TFR2: variants seen among roughly 807,000 people sequenced by gnomAD.
TFR2 encodes transferrin receptor protein 2.
A neutral mutation model predicts 91.9 loss-of-function variants in TFR2; 64 were observed. That is an observed-to-expected ratio of 0.70 (90% CI 0.57 to 0.86). TFR2 has a LOEUF of 0.86. TFR2 is among the 40% of genes least tolerant of loss of function. The probability of loss-of-function intolerance (pLI) is 0.00; values close to 1 mark genes in which losing one functional copy is unlikely to be tolerated. For synonymous variants in TFR2, 454 were observed against 459.6 expected (o/e 0.99, Z 0.15); for missense variants, 950 against 1,080.5 (o/e 0.88, Z 1.69).
chr7:100,637,959 G>A (rs1200105154), intron 3 of TFR2, among the ~76,000 whole-genome samples: 1 of 151,840 alleles, frequency 6.6e-6, no homozygotes, highest in African/African-American at 2.4e-5. Context: ...AGCCTCCCGA[G>A]TAGCTGGGAT....
chr7:100,623,887 C>CAAAAAAAA (rs36052130), intron 17 of TFR2, among the ~76,000 whole-genome samples: 1 of 96,476 alleles, frequency 1.0e-5, no homozygotes, highest in Non-Finnish European at 1.9e-5. Context: ...CCTTCTCTAC[C>CAAAAAAAA]AAAAAAAAAA....
intron 8 of TFR2, 141 bp downstream of exon 8, chr7:100,631,665 G>T: frequency 8.7e-7 from 1 of 1,154,006 alleles, no homozygotes; most frequent in Non-Finnish European, 1.2e-6. Context: ...TCCCAGGCTG[G>T]AGTGCAGTGG....
chr7:100,621,866 T>A (rs1449632724), intron 17 of TFR2, among the ~76,000 whole-genome samples: 1 of 152,146 alleles, frequency 6.6e-6, no homozygotes, highest in Non-Finnish European at 1.5e-5. Context: ...TGCCAGCCTC[T>A]CCTAGTTTCC....
chr7:100,640,656 G>C, intron 3 of TFR2, 30 bp downstream of exon 3: 1 of 1,606,854 alleles, frequency 6.2e-7, no homozygotes, highest in South Asian at 1.1e-5. Context: ...AGGGACACTC[G>C]AGAACAGGAT....
chr7:100,626,802 G>T lies in TFR2; in HGVS notation c.2097C>A (p.Asp699Glu), dbSNP rs377748462. 11 of 1,548,618 alleles carry T rather than the reference G, an allele frequency of 7.1e-6. No homozygotes were observed. Among genetic ancestry groups the T allele is most frequent in the African/African-American group, 1.4e-5 (1 of 73,038 alleles). The change falls in exon 17 of 18, where the codon GAC becomes GAA. Residue 699 changes from aspartate (D) to glutamate (E), a missense_variant. Coordinates refer to ENST00000223051, the MANE Select transcript of TFR2 (RefSeq NM_003227.4). The part of the protein sequence containing the change: ...RQEIYSSEER[D>E]ERLTRMYNVR... ...CGTTGTACATGCGTGTCAGTCGCTCGTCTCTCTCCTCCGAGCTGTAGATCT... is the reference window on the plus strand; with the variant it reads ...CGTTGTACATGCGTGTCAGTCGCTCTTCTCTCTCCTCCGAGCTGTAGATCT...
At chr7:100,621,793 G>A (rs376692690) in intron 17 of TFR2, among the ~76,000 whole-genome samples, 2 of 152,070 alleles carry the variant, frequency 1.3e-5, no homozygotes, top group Non-Finnish European at 2.9e-5. Context: ...TCCCTCTGAC[G>A]CAGCTGCTGT....
rs1803098820 is a variant in TFR2, at chr7:100,621,126, C to T, written c.2137G>A (p.Val713Met). The change falls in exon 18 of 18, where the codon GTG becomes ATG. Residue 713 changes from valine to methionine, a missense_variant and splice_region_variant. Val to Met is a conservative substitution (Grantham distance 21). Transcript: ENST00000223051. ...TACTGGGAAAGGAAGTAGAACTCCA[C>T]CTGCGCAGAGAGGGGGATCAGGTCA... ...TRMYNVRIMR[V>M]EFYFLSQYVS... 6.6e-7 allele frequency: 1 copy of T among 1,513,520 alleles called. No homozygotes were observed. The highest frequency in any genetic ancestry group is 8.9e-7 in the Non-Finnish European group (1 of 1,122,730). 93.8% of individuals were successfully genotyped at this position (1,513,520 alleles called of 1,614,324 possible).
Position 100,640,978 on chromosome 7 carries a change from C to A in TFR2, c.284G>T (p.Gly95Val). The A allele has an allele frequency of 6.2e-7, 1 of 1,610,428 alleles. No individual in the cohort carries two copies. The change falls in exon 2 of 18, where the codon GGG becomes GTG. Residue 95 changes from glycine (G) to valine (V), a missense_variant and splice_region_variant. Coordinates refer to ENST00000223051, the MANE Select transcript of TFR2 (RefSeq NM_003227.4). Reference protein sequence around the residue: ...LVLTALLIFTGAFLLGYVAFR... With the variant: ...LVLTALLIFTVAFLLGYVAFR... The stretch of plus-strand genomic sequence containing the variant: ...CTGGGGAGGGGGACGGCTCTCACCC[C>A]CAGTGAAGATCAGCAGGGCCGTCAG...
chr7:100,622,907 C>A (rs1218050725), intron 17 of TFR2, among the ~76,000 whole-genome samples: 2 of 151,944 alleles, frequency 1.3e-5, no homozygotes, highest in Non-Finnish European at 2.9e-5. Flanking sequence ...TGCAGTGAGC[C>A]AAGATCGTGC....
intron 9 of TFR2, among the ~76,000 whole-genome samples, chr7:100,629,600 G>T (rs1337623306): frequency 7.9e-5 from 12 of 152,182 alleles, no homozygotes; most frequent in Admixed American, 7.9e-4. Flanking sequence ...CTGTCACCCA[G>T]GCTGGAGTGT....
At chr7:100,637,292 G>A (rs751199170) in intron 3 of TFR2, among the ~76,000 whole-genome samples, 2 of 152,004 alleles carry the variant, frequency 1.3e-5, no homozygotes, top group Admixed American at 6.6e-5. Context: ...CCAGCTACTC[G>A]GGGAGCTGAG....
At chr7:100,637,270 A>G (rs1221767370) in intron 3 of TFR2, among the ~76,000 whole-genome samples, 1 of 152,082 alleles carries the variant, frequency 6.6e-6, no homozygotes, top group Non-Finnish European at 1.5e-5. Flanking sequence ...GTCGTGGCGC[A>G]TGACTGTAAT....
At chr7:100,636,845 A>C (rs1803579491) in intron 3 of TFR2, among the ~76,000 whole-genome samples, 1 of 151,810 alleles carries the variant, frequency 6.6e-6, no homozygotes, top group African/African-American at 2.4e-5. Context: ...GCTCACTGCA[A>C]CATCCTTGCT....
chr7:100,632,958 C>T, intron 6 of TFR2, 43 bp downstream of exon 6: 3 of 1,613,478 alleles, frequency 1.9e-6, no homozygotes, highest in Admixed American at 1.7e-5. Flanking sequence ...TCCGACCCTC[C>T]GGTTCCCGGG....
At position 100,638,978 on chromosome 7, in the gene TFR2, C is replaced by T. The variant is rs116517182; in HGVS notation, c.473+1708G>A. 6.9e-3 allele frequency among the ~76,000 whole-genome samples: 1,043 copies of T among 152,168 alleles called. 18 individuals are homozygous for T. The highest frequency in any genetic ancestry group is 0.024 in the African/African-American group (982 of 41,518). The stretch of plus-strand genomic sequence containing the variant: ...GTCTTTCAGCAGGTGAATCCAGCAA[C>T]ATATCAAAAGAGTAATCATACACCT... On this transcript the variant is annotated intron_variant, in intron 3 of 17. Transcript: ENST00000223051.
Position 100,626,815 on chromosome 7 carries a change from G to A in TFR2, c.2084C>T (p.Ser695Leu), listed in dbSNP as rs1188426077. 6.5e-7 allele frequency: 1 copy of A among 1,549,182 alleles called. No individual in the cohort carries two copies. The highest frequency in any genetic ancestry group is 8.7e-7 in the Non-Finnish European group (1 of 1,146,944). ...AEKLRQEIYS[S>L]EERDERLTRM... ...TGTCAGTCGCTCGTCTCTCTCCTCC[G>A]AGCTGTAGATCTCCTGCCGCAGCTT... Residue 695 changes from serine (S) to leucine (L), a missense_variant, in exon 17 of 18, where the codon TCG (serine) becomes TTG (leucine). By Grantham distance (145) the Ser-to-Leu change is moderately radical (BLOSUM62 -2). Coordinates refer to ENST00000223051, the MANE Select transcript of TFR2 (RefSeq NM_003227.4).
At chr7:100,631,269 A>G (rs1256066952) in intron 8 of TFR2, among the ~76,000 whole-genome samples, 2 of 146,142 alleles carry the variant, frequency 1.4e-5, no homozygotes, top group Non-Finnish European at 3.0e-5. Flanking sequence ...CAGACAGTAG[A>G]CCCTGGAGAA....
In TFR2 at chr7:100,620,697, G is replaced by T; in HGVS notation, c.*160C>A. On this transcript the variant is annotated 3_prime_UTR_variant, in exon 18 of 18. Coordinates refer to ENST00000223051, the MANE Select transcript of TFR2 (RefSeq NM_003227.4). ...GCAGGGCTGGGGTGTGTGGATATCT[G>T]TGCTGGGGTCTGGGCTCCGTGGAGA... 1.0e-6 allele frequency: 1 copy of T among 966,990 alleles called. No individual in the cohort carries two copies. Among genetic ancestry groups the T allele is most frequent in the Non-Finnish European group, 1.6e-6 (1 of 642,270 alleles). 59.9% of individuals were successfully genotyped at this position (966,990 alleles called of 1,614,324 possible).
intron 17 of TFR2, chr7:100,626,353 G>A: frequency 1.4e-6 from 1 of 707,652 alleles, no homozygotes; most frequent in Non-Finnish European, 1.7e-6. Context: ...CTCTTACTCT[G>A]AATATCTTTA....
Sources: allele counts gnomAD v4.1 joint callset (sites outside exome capture counted in the v4.1 genomes callset), GRCh38; gene constraint gnomAD v4.1.1; transcripts MANE v1.5; gene names NCBI Gene and HGNC (gene_info 2026-07-23, HGNC 2026-07-21).